Variants in CATSPER3 observed in about 807,000 individuals in gnomAD.
CATSPER3 encodes the protein cation channel sperm-associated protein 3.
Under a neutral mutation model 36.6 loss-of-function variants are expected in CATSPER3, and 23 were observed. That is an observed-to-expected ratio of 0.63 (90% CI 0.45 to 0.89). The LOEUF (loss-of-function observed/expected upper bound fraction) is 0.89. Among genes scored for constraint, CATSPER3 ranks in the 40% least tolerant of loss-of-function variants. The pLI is 0.00. For missense variants in CATSPER3, 474 were observed against 503.9 expected (o/e 0.94, Z 0.57); for synonymous variants, 172 against 184.1 (o/e 0.93, Z 0.53).
intron 2 of CATSPER3, among the ~76,000 whole-genome samples, chr5:134,986,705 C>T (rs573387231): frequency 2.1e-4 from 32 of 152,260 alleles, no homozygotes; most frequent in Admixed American, 2.0e-3. Context: ...TCAGGTGATC[C>T]ACCTGCCTCA....
Position 134,969,767 on chromosome 5 carries a change from T to C in CATSPER3, c.99-172T>C, listed in dbSNP as rs371015408. Reference sequence around the variant, plus strand: ...GAGGACAGAGTATCCATGATCATCATATATATGTCAGTGGTCATTTATTCA... The same window carrying C: ...GAGGACAGAGTATCCATGATCATCACATATATGTCAGTGGTCATTTATTCA... On this transcript the variant is annotated intron_variant, in intron 1 of 7. Coordinates refer to ENST00000282611, the MANE Select transcript of CATSPER3 (RefSeq NM_178019.3). 1.5e-4 allele frequency: 105 copies of C among 695,470 alleles called. No individual in the cohort carries two copies. The East Asian group carries it at 2.4e-3, about 16-fold the overall frequency. The allele number at this position is 695,470 out of a possible 1,614,324, so 43.1% of individuals were successfully genotyped here. A position where few individuals can be genotyped will look rare whatever the true frequency, so the allele number is the denominator to read the frequency against.
chr5:134,979,144 GT>G (rs1181687305), intron 2 of CATSPER3, among the ~76,000 whole-genome samples: 1 of 151,498 alleles, frequency 6.6e-6, no homozygotes, highest in Non-Finnish European at 1.5e-5. Context: ...GACTTTATTT[GT>G]TTGTTTGTTG....
chr5:134,978,218 G>A (rs1467232650), intron 2 of CATSPER3, among the ~76,000 whole-genome samples: 1 of 152,110 alleles, frequency 6.6e-6, no homozygotes, highest in Non-Finnish European at 1.5e-5. Flanking sequence ...TTAGATAGGA[G>A]GAATTAATTT....
At position 135,008,050 on chromosome 5, in the gene CATSPER3, T is replaced by C; in HGVS notation, c.586T>C (p.Phe196Leu). 1 of 1,614,170 alleles carries C rather than the reference T, an allele frequency of 6.2e-7. No homozygotes were observed. Among genetic ancestry groups the C allele is most frequent in the Non-Finnish European group, 8.5e-7 (1 of 1,179,994 alleles). ...CATGTACATCTTCGCTATCTTGGGC[T>C]TCTGCCTGTTTGGATCTCCAGACAA... Reference protein sequence around the residue: ...LLMYIFAILGFCLFGSPDNGD... With the variant: ...LLMYIFAILGLCLFGSPDNGD... Residue 196 changes from phenylalanine (F) to leucine (L), a missense_variant, in exon 4 of 8, where the codon TTC becomes CTC. By Grantham distance (22) the Phe-to-Leu change is conservative. Coordinates refer to ENST00000282611, the MANE Select transcript of CATSPER3 (RefSeq NM_178019.3).
In CATSPER3 at chr5:134,967,940, A is replaced by G; in HGVS notation, c.-52A>G. On this transcript the variant is annotated 5_prime_UTR_variant, in exon 1 of 8. Coordinates refer to ENST00000282611, the MANE Select transcript of CATSPER3 (RefSeq NM_178019.3). Reference sequence around the variant, plus strand: ...GACGCTAAGGAAAATCCCTAAGCAGAGATTTTCTGTTGGATGCTAAAAGCA... The same window carrying G: ...GACGCTAAGGAAAATCCCTAAGCAGGGATTTTCTGTTGGATGCTAAAAGCA... 1 of 1,354,336 alleles carries G rather than the reference A, an allele frequency of 7.4e-7. No individual in the cohort carries two copies. 83.9% of individuals were successfully genotyped at this position (1,354,336 alleles called of 1,614,324 possible).
At chr5:134,992,456 A>G (rs1228332578) in intron 2 of CATSPER3, among the ~76,000 whole-genome samples, 2 of 152,172 alleles carry the variant, frequency 1.3e-5, no homozygotes, top group East Asian at 3.8e-4. Flanking sequence ...CGGGTGCAGT[A>G]GCTCACACCT....
chr5:134,996,533 A>G lies in CATSPER3; in HGVS notation c.492+21A>G, dbSNP rs747430321. 8.1e-6 allele frequency: 13 copies of G among 1,612,846 alleles called. No homozygotes were observed. The Middle Eastern group carries it at 5.1e-4, about 63-fold the overall frequency. ...TCCGGGTGAGTGCACTGGGGGTGTCATGGTGCTGGGAGGGCAGGCCGTAGG... is the reference window on the plus strand; with the variant it reads ...TCCGGGTGAGTGCACTGGGGGTGTCGTGGTGCTGGGAGGGCAGGCCGTAGG... On this transcript the variant is annotated intron_variant, in intron 3 of 7. Coordinates refer to ENST00000282611, the MANE Select transcript of CATSPER3 (RefSeq NM_178019.3).
intron 1 of CATSPER3, chr5:134,968,484 A>G: frequency 3.8e-6 from 1 of 264,508 alleles, no homozygotes; most frequent in Non-Finnish European, 7.3e-6. Flanking sequence ...TGAGGTCAGG[A>G]GTTTGAGACC....
chr5:135,005,881 A>T (rs909869821), intron 3 of CATSPER3, among the ~76,000 whole-genome samples: 1 of 152,108 alleles, frequency 6.6e-6, no homozygotes, highest in African/African-American at 2.4e-5. Flanking sequence ...CCACACATCC[A>T]ATGGGCTGTG....
intron 2 of CATSPER3, among the ~76,000 whole-genome samples, chr5:134,978,611 A>G (rs1048558413): frequency 1.3e-5 from 2 of 152,190 alleles, no homozygotes; most frequent in Admixed American, 1.3e-4. Flanking sequence ...AGTCATGGCT[A>G]ATGCAATAAA....
intron 2 of CATSPER3, among the ~76,000 whole-genome samples, chr5:134,982,708 G>A (rs1168194860): frequency 1.3e-5 from 2 of 152,144 alleles, no homozygotes; most frequent in African/African-American, 2.4e-5. Flanking sequence ...TTGTTTTGTA[G>A]GTGGAAATGA....
At chr5:135,010,652 A>G in intron 7 of CATSPER3, 122 bp downstream of exon 7, 1 of 866,374 alleles carries the variant, frequency 1.2e-6, no homozygotes, top group Non-Finnish European at 1.9e-6. Flanking sequence ...GGTGGGTGGA[A>G]CATGGCTTTC....
At chr5:134,990,870 C>A (rs2149549416) in intron 2 of CATSPER3, among the ~76,000 whole-genome samples, 1 of 152,318 alleles carries the variant, frequency 6.6e-6, no homozygotes, top group African/African-American at 2.4e-5. Flanking sequence ...CATATACTCA[C>A]ATACACACAA....
chr5:134,988,546 G>A (rs746504979), intron 2 of CATSPER3, among the ~76,000 whole-genome samples: 5 of 152,182 alleles, frequency 3.3e-5, no homozygotes, highest in Middle Eastern at 6.8e-3. Context: ...TAGCATCTTC[G>A]CCAGGCGTAG....
chr5:135,011,420 C>A, intron 7 of CATSPER3, 101 bp from the exon 8 acceptor site: 3 of 812,446 alleles, frequency 3.7e-6, no homozygotes, highest in Non-Finnish European at 6.3e-6. Context: ...TCTTCTTTGA[C>A]CCTACACCTG....
At chr5:134,989,835 C>T (rs1446280236) in intron 2 of CATSPER3, among the ~76,000 whole-genome samples, 1 of 152,194 alleles carries the variant, frequency 6.6e-6, no homozygotes, top group Non-Finnish European at 1.5e-5. Flanking sequence ...TGCAAGAGGT[C>T]TAGGTTTTCA....
Position 135,008,943 on chromosome 5 carries a change from C to A in CATSPER3, c.778C>A (p.Leu260Ile). 1 of 1,614,018 alleles carries A rather than the reference C, an allele frequency of 6.2e-7. No homozygotes were observed. Among genetic ancestry groups the A allele is most frequent in the Non-Finnish European group, 8.5e-7 (1 of 1,179,964 alleles). The change falls in exon 5 of 8, where the codon CTC (leucine) becomes ATC (isoleucine). Residue 260 changes from leucine to isoleucine, a missense_variant. Coordinates refer to ENST00000282611, the MANE Select transcript of CATSPER3 (RefSeq NM_178019.3). ...CATCTTGCTCGCCTCTTTCATCTTC[C>A]TCAACATGTTCGTGGGTGTGATGAT... Reference protein sequence around the residue: ...IFILLASFIFLNMFVGVMIMH... With the variant: ...IFILLASFIFINMFVGVMIMH...
In CATSPER3 at chr5:135,008,838, C is replaced by T. The variant is rs768039850; in HGVS notation, c.676-3C>T. ...CTCAGCATACTCTTCCCTGCCTGAGCAGGTTGATGGCTGGACAGACCTGCA... is the reference window on the plus strand; with the variant it reads ...CTCAGCATACTCTTCCCTGCCTGAGTAGGTTGATGGCTGGACAGACCTGCA... On this transcript the variant is annotated splice_polypyrimidine_tract_variant and splice_region_variant and intron_variant, in intron 4 of 7. Transcript: ENST00000282611. 6.2e-7 allele frequency: 1 copy of T among 1,613,976 alleles called. No homozygotes were observed. The highest frequency in any genetic ancestry group is 8.5e-7 in the Non-Finnish European group (1 of 1,179,972).
In CATSPER3 at chr5:134,993,834, T is replaced by C. The variant is rs115909046; in HGVS notation, c.253-2439T>C. On this transcript the variant is annotated intron_variant, in intron 2 of 7. Coordinates refer to ENST00000282611, the MANE Select transcript of CATSPER3 (RefSeq NM_178019.3). ...TGCATGGAAGGTATAATTATAAACA[T>C]ATAAAACTGTCCAGGCGCAGTGGCT... Among the ~76,000 whole-genome samples the C allele has an allele frequency of 8.1e-3, 1,239 of 152,226 alleles. 9 individuals are homozygous for C. The highest frequency in any genetic ancestry group is 0.037 in the Middle Eastern group (11 of 294).
Sources: allele counts gnomAD v4.1 joint callset (sites outside exome capture counted in the v4.1 genomes callset), GRCh38; gene constraint gnomAD v4.1.1; transcripts MANE v1.5; gene names NCBI Gene and HGNC (gene_info 2026-07-23, HGNC 2026-07-21).